Variants in ADAP1 observed in about 807,000 individuals in gnomAD.
ADAP1 encodes the protein ArfGAP with dual PH domains 1.
In ADAP1, 31 loss-of-function variants were observed where a neutral mutation model predicts 54.9. The observed-to-expected ratio is 0.56, with a 90% CI of 0.42 to 0.76. ADAP1 has a LOEUF of 0.76. Among genes scored for constraint, ADAP1 ranks in the 30% least tolerant of loss-of-function variants. The pLI, the probability that ADAP1 is intolerant of heterozygous loss-of-function variation, is 0.00. For synonymous variants in ADAP1, 313 were observed against 202.6 expected (o/e 1.55, Z -4.63); for missense variants, 535 against 512.4 (o/e 1.04, Z -0.42).
At chr7:953,160 G>A (rs976890955) in intron 1 of ADAP1, among the ~76,000 whole-genome samples, 4 of 152,138 alleles carry the variant, frequency 2.6e-5, no homozygotes. Context: ...TGTGGGGAGA[G>A]AGTCTGGGGT....
intron 2 of ADAP1, chr7:935,137 C>A: frequency 1.5e-6 from 1 of 669,282 alleles, no homozygotes; most frequent in Middle Eastern, 3.0e-4. Flanking sequence ...CCCTGGCCCA[C>A]CACACACACC....
chr7:918,455 C>T (rs1203629399), intron 4 of ADAP1, among the ~76,000 whole-genome samples: 1 of 152,190 alleles, frequency 6.6e-6, no homozygotes. Context: ...GATCCTCCTG[C>T]CTTGGCCTCC....
intron 2 of ADAP1, among the ~76,000 whole-genome samples, chr7:933,604 G>A (rs1171082939): frequency 2.1e-5 from 2 of 93,458 alleles, no homozygotes; most frequent in African/African-American, 5.2e-5. Context: ...GGTCAGTGGT[G>A]CTGGAGAGCC....
chr7:923,903 G>A (rs74829144), intron 3 of ADAP1, among the ~76,000 whole-genome samples: 2 of 152,172 alleles, frequency 1.3e-5, no homozygotes, highest in Non-Finnish European at 2.9e-5. Flanking sequence ...TCTTGGTGGG[G>A]GCAGACGTGG....
At chr7:908,143 C>T (rs949592507) in intron 4 of ADAP1, among the ~76,000 whole-genome samples, 4 of 152,154 alleles carry the variant, frequency 2.6e-5, no homozygotes, top group East Asian at 1.9e-4. Context: ...GCCACAGGGA[C>T]GCGAGGGGGC....
At chr7:904,760 G>C (rs915944046) in intron 5 of ADAP1, among the ~76,000 whole-genome samples, 10 of 152,366 alleles carry the variant, frequency 6.6e-5, no homozygotes, top group African/African-American at 2.4e-4. Flanking sequence ...CTGGGGTCCT[G>C]GCTGGCTCCA....
chr7:952,894 C>T (rs543266589), intron 1 of ADAP1, among the ~76,000 whole-genome samples: 1 of 152,230 alleles, frequency 6.6e-6, no homozygotes, highest in East Asian at 1.9e-4. Flanking sequence ...CACCTGCACC[C>T]ACTGGGAGGG....
At chr7:905,560 A>AGAAAGGAGAAAGG (rs1845167311) in intron 4 of ADAP1, 9 of 9,270 alleles carry the variant, frequency 9.7e-4, no homozygotes, top group Admixed American at 1.4e-3. Context: ...GGGAGAAAGG[A>AGAAAGGAGAAAGG]GAAAGGAGAA....
upstream of ADAP1, chr7:954,683 C>T (rs1318168800): frequency 3.1e-6 from 3 of 981,664 alleles, no homozygotes; most frequent in African/African-American, 5.3e-5. Flanking sequence ...GAGCGAGTGC[C>T]GGCGCGGGGC....
intron 1 of ADAP1, among the ~76,000 whole-genome samples, chr7:941,877 T>C (rs117011121): frequency 1.7e-4 from 26 of 152,356 alleles, no homozygotes; most frequent in Non-Finnish European, 1.5e-4. Flanking sequence ...GAACTAACAC[T>C]ACTTGTTTTC....
At chr7:919,018 C>T (rs547704351) in intron 4 of ADAP1, among the ~76,000 whole-genome samples, 6 of 152,182 alleles carry the variant, frequency 3.9e-5, no homozygotes, top group Middle Eastern at 3.4e-3. Context: ...GTGGGGAGAC[C>T]GAGGCTGGGG....
In ADAP1 at chr7:920,875, C is replaced by G. The variant is rs999908562; in HGVS notation, c.306-825G>C. 10 of 1,550,028 alleles carry G rather than the reference C, an allele frequency of 6.5e-6. No individual in the cohort carries two copies. The highest frequency in any genetic ancestry group is 2.4e-5 in the East Asian group (1 of 40,930). ...CAGGCAGCCGCCCCAGCCTTTTCCA[C>G]TCCCAGGGAATTACGCGGCAAAGAA... On this transcript the variant is annotated intron_variant, in intron 3 of 10. Transcript: ENST00000265846. The surrounding 1 kb of genome is among the most constrained non-coding windows in gnomAD (Gnocchi z 4.5).
chr7:942,635 AG>A (rs1320780342), intron 1 of ADAP1, among the ~76,000 whole-genome samples: 19 of 26,188 alleles, frequency 7.3e-4, no homozygotes, highest in East Asian at 5.0e-3. Context: ...GGAGGAAGGG[AG>A]GAGGAGGAAG....
At chr7:935,586 C>A in intron 1 of ADAP1, 81 bp from the exon 2 acceptor site, 2 of 1,508,368 alleles carry the variant, frequency 1.3e-6, no homozygotes, top group South Asian at 1.2e-5. Context: ...GAGTCAGGAG[C>A]CCCCGGCCAT....
intron 4 of ADAP1, among the ~76,000 whole-genome samples, chr7:913,875 C>T (rs541306441): frequency 7.1e-4 from 108 of 152,282 alleles, no homozygotes; most frequent in Non-Finnish European, 1.2e-3. Context: ...GTGGACATTG[C>T]GGTGAGCTGA....
At chr7:905,375 A>AG (rs1397360608) in intron 4 of ADAP1, 3 of 158,622 alleles carry the variant, frequency 1.9e-5, no homozygotes, top group South Asian at 9.7e-5. Context: ...GGAAAGGGAA[A>AG]GGAGAAAGGA....
At chr7:910,198 G>T (rs1319421899) in intron 4 of ADAP1, among the ~76,000 whole-genome samples, 1 of 152,080 alleles carries the variant, frequency 6.6e-6, no homozygotes, top group Non-Finnish European at 1.5e-5. Context: ...CGCACATCAC[G>T]TGCCTCAGAG....
Position 898,656 on chromosome 7 carries a change from C to T in ADAP1, c.*265G>A. 1.8e-6 allele frequency: 1 copy of T among 542,098 alleles called. No homozygotes were observed. The highest frequency in any genetic ancestry group is 3.3e-6 in the Non-Finnish European group (1 of 300,738). 33.6% of individuals were successfully genotyped at this position (542,098 alleles called of 1,614,324 possible). A position where few individuals can be genotyped will look rare whatever the true frequency, so the allele number is the denominator to read the frequency against. ...ACTGGGCCCTGGAGGAAAGGGGGCC[C>T]CGGGTCAGGGAGGGGCAGGTTGGCT... On this transcript the variant is annotated 3_prime_UTR_variant, in exon 11 of 11. Coordinates refer to ENST00000265846, the MANE Select transcript of ADAP1 (RefSeq NM_006869.4).
At chr7:952,566 G>A (rs1389355232) in intron 1 of ADAP1, among the ~76,000 whole-genome samples, 1 of 152,186 alleles carries the variant, frequency 6.6e-6, no homozygotes, top group Non-Finnish European at 1.5e-5. Flanking sequence ...GCAGCCCCCT[G>A]CCTCCTGACA....
Sources: allele counts gnomAD v4.1 joint callset (sites outside exome capture counted in the v4.1 genomes callset), GRCh38; gene constraint gnomAD v4.1.1; non-coding constraint Gnocchi (gnomAD v3.1); transcripts MANE v1.5; gene names NCBI Gene and HGNC (gene_info 2026-07-23, HGNC 2026-07-21).